The following ASCC1 variants were observed in gnomAD, a reference collection of about 807,000 sequenced individuals.
The protein encoded by ASCC1 is ASC-1 complex subunit P50.
Under a neutral mutation model 46.6 loss-of-function variants are expected in ASCC1, and 35 were observed. The ratio of observed to expected loss-of-function variants is 0.75; its 90% CI spans 0.57 to 0.99. The LOEUF (loss-of-function observed/expected upper bound fraction) is 0.99, where lower values mean the gene tolerates loss of function less well. Among genes scored for constraint, ASCC1 ranks in the 50% least tolerant of loss-of-function variants. ASCC1 has a pLI of 0.00. For synonymous variants in ASCC1, 143 were observed against 146.6 expected (o/e 0.98, Z 0.18); for missense variants, 376 against 428.7 (o/e 0.88, Z 1.09).
At chr10:72,161,514 C>A in intron 6 of ASCC1, 24 bp downstream of exon 6, 1 of 1,614,072 alleles carries the variant, frequency 6.2e-7, no homozygotes, top group South Asian at 1.1e-5. Flanking sequence ...GACCACCCAA[C>A]CCCCATCCCT....
chr10:72,133,997 G>C (rs1381431050), intron 7 of ASCC1: 1 of 152,296 alleles, frequency 6.6e-6, no homozygotes, highest in African/African-American at 2.4e-5. Flanking sequence ...AAAATTAGAA[G>C]GGGCCGGGTG....
intron 5 of ASCC1, among the ~76,000 whole-genome samples, chr10:72,180,485 G>A (rs1377763135): frequency 6.6e-6 from 1 of 152,000 alleles, no homozygotes; most frequent in Non-Finnish European, 1.5e-5. Flanking sequence ...AATTAGCCAA[G>A]TGTGGTGGTG....
rs547602844 is a variant in ASCC1, at chr10:72,167,638, C to CT, written c.490-5965dup. Among the ~76,000 whole-genome samples, 1,268 of 133,732 alleles carry CT rather than the reference C, an allele frequency of 9.5e-3. 15 individuals carry two copies. The highest frequency in any genetic ancestry group is 0.026 in the African/African-American group (958 of 36,620). 87.7% of individuals were successfully genotyped at this position (133,732 alleles called of 152,430 possible). On this transcript the variant is annotated intron_variant, in intron 5 of 9. Transcript: ENST00000672957. ...GCTGTTAAATAAGTTGTGTCTATGT[C>CT]TTTTTTTTTTTTTTTTTTAAGACAA...
At chr10:72,174,302 G>A (rs1169728850) in intron 5 of ASCC1, among the ~76,000 whole-genome samples, 3 of 152,154 alleles carry the variant, frequency 2.0e-5, no homozygotes, top group African/African-American at 7.2e-5. Context: ...GCTCGAGTGG[G>A]GCAGAACTGC....
At chr10:72,189,542 C>T (rs978261606) in intron 5 of ASCC1, among the ~76,000 whole-genome samples, 1 of 152,078 alleles carries the variant, frequency 6.6e-6, no homozygotes, top group African/African-American at 2.4e-5. Context: ...GTGGCTCACA[C>T]CTGTAATCCT....
At chr10:72,163,003 C>A (rs557362098) in intron 5 of ASCC1, among the ~76,000 whole-genome samples, 5 of 151,570 alleles carry the variant, frequency 3.3e-5, no homozygotes, top group East Asian at 1.9e-4. Context: ...AAATGGCTAA[C>A]AAGCAGAACT....
chr10:72,115,363 G>A (rs543642815), intron 9 of ASCC1, among the ~76,000 whole-genome samples: 1 of 152,296 alleles, frequency 6.6e-6, no homozygotes, highest in African/African-American at 2.4e-5. Context: ...GAGAGATGGA[G>A]AGAGCTCTAT....
chr10:72,109,015 A>C (rs1036120853), intron 9 of ASCC1, among the ~76,000 whole-genome samples: 1 of 152,220 alleles, frequency 6.6e-6, no homozygotes, highest in African/African-American at 2.4e-5. Context: ...GTCATCTCCA[A>C]ACACAGCTTA....
At chr10:72,180,292 GA>G (rs563899230) in intron 5 of ASCC1, among the ~76,000 whole-genome samples, 7 of 140,816 alleles carry the variant, frequency 5.0e-5, no homozygotes, top group East Asian at 2.1e-4. Context: ...AAGAAAAAAA[GA>G]AAAAAAAAAG....
intron 5 of ASCC1, among the ~76,000 whole-genome samples, chr10:72,190,794 G>A (rs1183836110): frequency 2.0e-5 from 3 of 151,738 alleles, no homozygotes. Context: ...TCAAGAGATC[G>A]AGACCATCCT....
At chr10:72,206,010 G>T (rs921988629) in intron 3 of ASCC1, among the ~76,000 whole-genome samples, 1 of 149,306 alleles carries the variant, frequency 6.7e-6, no homozygotes, top group Admixed American at 6.7e-5. Context: ...AGGCTGAGGC[G>T]GGAGAATCAC....
At chr10:72,213,793 A>T (rs1369142051) in intron 1 of ASCC1, among the ~76,000 whole-genome samples, 1 of 152,028 alleles carries the variant, frequency 6.6e-6, no homozygotes, top group Admixed American at 6.6e-5. Context: ...TAATCCCAGC[A>T]CTTTGGGAGG....
chr10:72,211,421 C>T (rs1858089436), intron 2 of ASCC1, among the ~76,000 whole-genome samples: 1 of 151,474 alleles, frequency 6.6e-6, no homozygotes, highest in Non-Finnish European at 1.5e-5. Context: ...AAAGTAAAAC[C>T]CCCTCATCTC....
chr10:72,134,973 G>C (rs1214095829), intron 7 of ASCC1, among the ~76,000 whole-genome samples: 1 of 152,206 alleles, frequency 6.6e-6, no homozygotes, highest in African/African-American at 2.4e-5. Flanking sequence ...CCAGAGAGGA[G>C]GGAAGGCAGG....
At chr10:72,156,311 G>A (rs773184717) in intron 6 of ASCC1, among the ~76,000 whole-genome samples, 3 of 152,144 alleles carry the variant, frequency 2.0e-5, no homozygotes, top group Non-Finnish European at 2.9e-5. Context: ...CCGAGAAGCC[G>A]AGCATGCTTC....
intron 9 of ASCC1, among the ~76,000 whole-genome samples, chr10:72,107,431 C>T (rs192125405): frequency 3.2e-4 from 48 of 152,024 alleles, no homozygotes; most frequent in African/African-American, 1.1e-3. Flanking sequence ...TGTGAGATTA[C>T]TTCTGAGGAG....
intron 3 of ASCC1, among the ~76,000 whole-genome samples, chr10:72,209,784 AAAAT>A (rs1857784699): frequency 6.6e-6 from 1 of 152,170 alleles, no homozygotes; most frequent in Non-Finnish European, 1.5e-5. Context: ...ACTCTGTCTC[AAAAT>A]AAATAAATAA....
chr10:72,217,084 C>T, upstream of ASCC1: 1 of 454,050 alleles, frequency 2.2e-6, no homozygotes, highest in Non-Finnish European at 4.4e-6. Context: ...GGACTGGAAG[C>T]ACAGTGGAAA....
chr10:72,130,143 G>A (rs971556618), intron 8 of ASCC1, among the ~76,000 whole-genome samples: 11 of 152,116 alleles, frequency 7.2e-5, no homozygotes, highest in Non-Finnish European at 1.0e-4. Context: ...GAAATGTCCA[G>A]AACAGGCAGC....
Sources: allele counts gnomAD v4.1 joint callset (sites outside exome capture counted in the v4.1 genomes callset), GRCh38; gene constraint gnomAD v4.1.1; transcripts MANE v1.5; gene names NCBI Gene and HGNC (gene_info 2026-07-23, HGNC 2026-07-21).